Variants in PDIA5 observed in about 807,000 individuals in gnomAD.
PDIA5 encodes protein disulfide isomerase family A member 5, also known as protein disulfide-isomerase A5.
A neutral mutation model predicts 77.6 loss-of-function variants in PDIA5; 58 were observed. The ratio of observed to expected loss-of-function variants is 0.75; its 90% CI spans 0.61 to 0.93. The LOEUF (loss-of-function observed/expected upper bound fraction) is 0.93. Among genes scored for constraint, PDIA5 ranks in the 40% least tolerant of loss-of-function variants. The probability of loss-of-function intolerance (pLI) is 0.00; values close to 1 mark genes in which losing one functional copy is unlikely to be tolerated. For synonymous variants in PDIA5, 250 were observed against 252.1 expected (o/e 0.99, Z 0.08); for missense variants, 630 against 647.7 (o/e 0.97, Z 0.30).
intron 3 of PDIA5, among the ~76,000 whole-genome samples, chr3:123,097,971 G>A (rs1934484212): frequency 6.6e-6 from 1 of 152,144 alleles, no homozygotes; most frequent in South Asian, 2.1e-4. Context: ...GCTGAGCGTG[G>A]TCTCCCGTGG....
At chr3:123,127,933 G>A (rs564192813) in intron 10 of PDIA5, among the ~76,000 whole-genome samples, 4 of 152,174 alleles carry the variant, frequency 2.6e-5, no homozygotes, top group Non-Finnish European at 5.9e-5. Flanking sequence ...AGGGGTGAGG[G>A]AGAGCCCAGT....
intron 8 of PDIA5, among the ~76,000 whole-genome samples, chr3:123,118,124 G>A (rs1292549005): frequency 6.6e-6 from 1 of 152,232 alleles, no homozygotes; most frequent in Non-Finnish European, 1.5e-5. Context: ...CAAGCTGCAA[G>A]ATGGGGCTGC....
At chr3:123,097,025 A>G (rs3792361) in intron 3 of PDIA5, among the ~76,000 whole-genome samples, 23,191 of 152,190 alleles carry the variant, frequency 0.15, 2,118 homozygotes, top group Non-Finnish European at 0.21. Context: ...GCTTAACCAC[A>G]TCTGCTTTCT....
intron 1 of PDIA5, among the ~76,000 whole-genome samples, chr3:123,080,541 C>T (rs1357475721): frequency 6.6e-6 from 1 of 152,116 alleles, no homozygotes; most frequent in East Asian, 1.9e-4. Context: ...GACCAAAGTA[C>T]CTGATAAGAA....
rs1334984012 is a variant in PDIA5, at chr3:123,067,223, G to A, written c.42+17G>A. 8.0e-7 allele frequency: 1 copy of A among 1,244,878 alleles called. No individual in the cohort carries two copies. Among genetic ancestry groups the A allele is most frequent in the African/African-American group, 1.5e-5 (1 of 64,548 alleles). 77.1% of individuals were successfully genotyped at this position (1,244,878 alleles called of 1,614,324 possible). On this transcript the variant is annotated intron_variant, in intron 1 of 16. Coordinates refer to ENST00000316218, the MANE Select transcript of PDIA5 (RefSeq NM_006810.4). ...GCAATCTGGGTGAGACTGTGGGGCA[G>A]GGATCCGGGCCGGGCCAGCACGTGT...
In PDIA5 at chr3:123,130,531, C is replaced by T. The variant is rs761715298; in HGVS notation, c.825C>T (p.Gly275=). ...QVPETPWADE[G]GSVYHLTDED... is the part of the protein sequence containing the mutation. Reference sequence around the variant, plus strand: ...CTGAGACTCCCTGGGCAGATGAGGGCGGCTCCGTTTATCACCTGACCGATG... The same window carrying T: ...CTGAGACTCCCTGGGCAGATGAGGGTGGCTCCGTTTATCACCTGACCGATG... Residue 275 remains glycine, a synonymous_variant, in exon 11 of 17, where the codon GGC becomes GGT. Transcript: ENST00000316218. 12 of 1,613,890 alleles carry T rather than the reference C, an allele frequency of 7.4e-6. No individual in the cohort carries two copies. The Admixed American group carries it at 8.3e-5, about 11-fold the overall frequency.
At chr3:123,095,180 C>G (rs141933795) in intron 3 of PDIA5, among the ~76,000 whole-genome samples, 1 of 152,306 alleles carries the variant, frequency 6.6e-6, no homozygotes, top group East Asian at 1.9e-4. Context: ...TGCGTTCTGC[C>G]TTCTTTCCAG....
At chr3:123,146,391 C>G in intron 13 of PDIA5, 132 bp downstream of exon 13, 1 of 726,654 alleles carries the variant, frequency 1.4e-6, no homozygotes, top group African/African-American at 1.8e-5. Context: ...ACGGATCTGA[C>G]TTCCTCAACC....
intron 2 of PDIA5, among the ~76,000 whole-genome samples, chr3:123,092,024 G>T (rs1287568859): frequency 6.6e-6 from 1 of 152,202 alleles, no homozygotes; most frequent in African/African-American, 2.4e-5. Flanking sequence ...ATGAGTCGGA[G>T]ACTTTACTGG....
rs372264617 is a variant in PDIA5, at chr3:123,096,235, G to C, written c.257+3793G>C. ...TGTTTTTGAGATGAGGTCTCACTCT[G>C]TTGCCCAGGCTGCAGTGCAGTGTCA... On this transcript the variant is annotated intron_variant, in intron 3 of 16. Coordinates refer to ENST00000316218, the MANE Select transcript of PDIA5 (RefSeq NM_006810.4). Among the ~76,000 whole-genome samples the C allele has an allele frequency of 7.9e-5, 12 of 151,948 alleles. No individual in the cohort carries two copies. In the East Asian group the frequency reaches 1.8e-3, roughly 22 times the overall value.
At chr3:123,133,091 A>T (rs185522342) in intron 11 of PDIA5, among the ~76,000 whole-genome samples, 1 of 152,194 alleles carries the variant, frequency 6.6e-6, no homozygotes, top group Non-Finnish European at 1.5e-5. Flanking sequence ...TGGAATGTAC[A>T]TGCTTTAGGG....
intron 1 of PDIA5, among the ~76,000 whole-genome samples, chr3:123,081,385 C>T (rs886476099): frequency 1.3e-5 from 2 of 152,236 alleles, no homozygotes; most frequent in African/African-American, 2.4e-5. Context: ...TTCCGCCAAA[C>T]CACCAGCTCT....
chr3:123,099,057 G>T, intron 3 of PDIA5, among the ~76,000 whole-genome samples: 1 of 151,058 alleles, frequency 6.6e-6, no homozygotes, highest in Middle Eastern at 3.4e-3. Context: ...ACATGCTTGC[G>T]CACACACACA....
rs1277184579 is a variant in PDIA5, at chr3:123,124,125, C to A, written c.669C>A (p.Ser223Arg). The change falls in exon 9 of 17, where the codon AGC (serine) becomes AGA (arginine). Residue 223 changes from serine (S) to arginine (R), a missense_variant. Coordinates refer to ENST00000316218, the MANE Select transcript of PDIA5 (RefSeq NM_006810.4). ...SEFENIKEEY[S>R]VRGFPTICYF... ...TTGAAAACATCAAGGAGGAGTACAG[C>A]GTGCGCGGCTTCCCCACCATCTGCT... 6.2e-7 allele frequency: 1 copy of A among 1,613,934 alleles called. No individual in the cohort carries two copies.
At chr3:123,117,912 A>G (rs555177589) in intron 8 of PDIA5, among the ~76,000 whole-genome samples, 2 of 152,268 alleles carry the variant, frequency 1.3e-5, no homozygotes, top group Admixed American at 1.3e-4. Context: ...TCCTCTAGGG[A>G]GCGTGGAAAA....
chr3:123,161,471 G>A lies in PDIA5; in HGVS notation c.1479+16G>A, dbSNP rs1936158695. 1.2e-6 allele frequency: 2 copies of A among 1,611,960 alleles called. No individual in the cohort carries two copies. Among genetic ancestry groups the A allele is most frequent in the Admixed American group, 1.7e-5 (1 of 59,924 alleles). On this transcript the variant is annotated intron_variant, in intron 16 of 16. Coordinates refer to ENST00000316218, the MANE Select transcript of PDIA5 (RefSeq NM_006810.4). ...CGACCGCACAGTAAGTGGGGGAGAG[G>A]CGTCTGCCCAGAGCTCTCTCTCTGC... is the stretch of plus-strand genomic sequence containing the variant.
chr3:123,124,281 G>C lies in PDIA5; in HGVS notation c.711G>C (p.Arg237=), dbSNP rs980611914. 1 of 1,612,858 alleles carries C rather than the reference G, an allele frequency of 6.2e-7. No individual in the cohort carries two copies. The change falls in exon 10 of 17, where the codon CGG becomes CGC. Residue 237 remains arginine (R), a synonymous_variant. Transcript: ENST00000316218. ...FPTICYFEKG[R]FLFQYDNYGS... ...TCTCCACGTTTCACAGGAAAGGACG[G>C]TTCTTGTTCCAGTATGACAACTATG...
chr3:123,130,673 AGT>A (rs1935352554), intron 11 of PDIA5, 57 bp downstream of exon 11: 2 of 1,579,618 alleles, frequency 1.3e-6, no homozygotes, highest in African/African-American at 2.7e-5. Flanking sequence ...GAGTAGGATG[AGT>A]GTGGCGCTTT....
chr3:123,154,045 G>T lies in PDIA5; in HGVS notation c.1274-926G>T, dbSNP rs114724239. Among the ~76,000 whole-genome samples, 444 of 152,254 alleles carry T rather than the reference G, an allele frequency of 2.9e-3. 2 individuals are homozygous for T. The highest frequency in any genetic ancestry group is 0.01 in the African/African-American group (427 of 41,550). ...AGGGCTGAGAGAGGAGGGGGGTTTG[G>T]GTTCTGATCTGTTAGTGCTGAGGGA... On this transcript the variant is annotated intron_variant, in intron 14 of 16. Transcript: ENST00000316218.
Sources: allele counts gnomAD v4.1 joint callset (sites outside exome capture counted in the v4.1 genomes callset), GRCh38; gene constraint gnomAD v4.1.1; transcripts MANE v1.5; gene names NCBI Gene and HGNC (gene_info 2026-07-23, HGNC 2026-07-21).